The following GRAMD1B variants were observed in gnomAD, a reference collection of about 807,000 sequenced individuals.
The protein encoded by GRAMD1B is GRAM domain containing 1B.
Under a neutral mutation model 99.7 loss-of-function variants are expected in GRAMD1B, and 37 were observed. That is an observed-to-expected ratio of 0.37 (90% CI 0.29 to 0.49). The LOEUF (loss-of-function observed/expected upper bound fraction) is 0.49, where lower values mean the gene tolerates loss of function less well. GRAMD1B is among the 20% of genes least tolerant of loss of function. GRAMD1B has a pLI of 0.98. For missense variants in GRAMD1B, 888 were observed against 1,009.2 expected, an observed-to-expected ratio of 0.88 and a Z score of 1.63; for synonymous variants, 427 against 387.6, an observed-to-expected ratio of 1.10 and a Z score of -1.19.
intron 2 of GRAMD1B, among the ~76,000 whole-genome samples, chr11:123,497,521 G>A (rs1939420421): frequency 6.6e-6 from 1 of 151,964 alleles, no homozygotes; most frequent in South Asian, 2.1e-4. Flanking sequence ...AGTTCCCCTA[G>A]GCCCCAGATG....
intron 1 of GRAMD1B, among the ~76,000 whole-genome samples, chr11:123,401,414 G>C: frequency 6.6e-6 from 1 of 152,236 alleles, no homozygotes; most frequent in Non-Finnish European, 1.5e-5. Context: ...AGGCAGGCAT[G>C]GGCTGTTGGC....
intron 4 of GRAMD1B, among the ~76,000 whole-genome samples, chr11:123,586,843 C>A (rs1422068045): frequency 6.6e-6 from 1 of 152,238 alleles, no homozygotes; most frequent in Non-Finnish European, 1.5e-5. Flanking sequence ...CCTCTATAAC[C>A]TCTCTCCGGA....
intron 7 of GRAMD1B, chr11:123,599,466 C>T (rs1275082): frequency 0.86 from 532,083 of 620,288 alleles, 229,149 homozygotes; most frequent in East Asian, 0.99. Flanking sequence ...CCCTTCACCA[C>T]GGCCTCTCGT....
upstream of GRAMD1B, among the ~76,000 whole-genome samples, chr11:123,429,139 G>C (rs1466682415): frequency 6.6e-6 from 1 of 152,160 alleles, no homozygotes; most frequent in Non-Finnish European, 1.5e-5. The surrounding 1 kb of genome is among the most constrained non-coding windows in gnomAD (Gnocchi z 4.0). Context: ...GTTGCGGTGA[G>C]CCATGACTGC....
intron 2 of GRAMD1B, among the ~76,000 whole-genome samples, chr11:123,520,674 G>A (rs183111624): frequency 3.1e-4 from 46 of 150,690 alleles, no homozygotes; most frequent in Admixed American, 2.4e-3. Context: ...AGCTATTCAG[G>A]AAGCTGAGGT....
In GRAMD1B at chr11:123,430,847, G is replaced by A. The variant is rs1256391570; in HGVS notation, c.55G>A (p.Glu19Lys). 1.3e-5 allele frequency: 9 copies of A among 699,868 alleles called. No individual in the cohort carries two copies. The highest frequency in any genetic ancestry group is 3.5e-5 in the African/African-American group (2 of 57,230). The allele number at this position is 699,868 out of a possible 1,614,324, so 43.4% of individuals were successfully genotyped here. Residue 19 changes from glutamate to lysine, a missense_variant, in exon 1 of 20, where the codon GAG becomes AAG. Around this residue, in one of 5 missense-constraint regions of GRAMD1B, gnomAD observed 233 missense variants for 154.6 expected, o/e 1.51. Transcript: ENST00000635736. ...NRPLPALQVP[E>K]PQGAPEGSPV... ...GCCGCTGCCCGCCCTGCAGGTGCCCGAGCCGCAGGGTGCGCCCGAGGGCAG... is the reference window on the plus strand; with the variant it reads ...GCCGCTGCCCGCCCTGCAGGTGCCCAAGCCGCAGGGTGCGCCCGAGGGCAG...
chr11:123,441,793 C>G (rs1457421588), intron 1 of GRAMD1B, among the ~76,000 whole-genome samples: 1 of 132,580 alleles, frequency 7.5e-6, no homozygotes, highest in East Asian at 2.1e-4. Context: ...GAGACCCTAT[C>G]TGAAAAGAGA....
At chr11:123,604,942 G>A (rs1323170821) in intron 9 of GRAMD1B, among the ~76,000 whole-genome samples, 2 of 152,164 alleles carry the variant, frequency 1.3e-5, no homozygotes, top group Non-Finnish European at 2.9e-5. Flanking sequence ...TCACCGTTTG[G>A]GAAAGGAAAT....
At chr11:123,512,901 T>C (rs2135321572) in intron 2 of GRAMD1B, among the ~76,000 whole-genome samples, 1 of 152,128 alleles carries the variant, frequency 6.6e-6, no homozygotes, top group Admixed American at 6.5e-5. Flanking sequence ...TTGGCTTTCA[T>C]CAGCTCCCCA....
In GRAMD1B at chr11:123,594,853, A is replaced by G. The variant is rs1256123644; in HGVS notation, c.873+15A>G. ...GGGAAACTCTGGTAAAGACCTGGGC[A>G]TGCTCCCTTGGGCTGTCTCCTTGGC... On this transcript the variant is annotated intron_variant, in intron 6 of 19. Transcript: ENST00000635736. 2.9e-6 allele frequency: 4 copies of G among 1,388,102 alleles called. No homozygotes were observed. Among genetic ancestry groups the G allele is most frequent in the East Asian group, 2.3e-5 (1 of 43,838 alleles). The allele number at this position is 1,388,102 out of a possible 1,614,324, so 86.0% of individuals were successfully genotyped here.
intron 1 of GRAMD1B, among the ~76,000 whole-genome samples, chr11:123,457,101 G>C (rs1950168360): frequency 6.7e-6 from 1 of 148,620 alleles, no homozygotes; most frequent in Non-Finnish European, 1.5e-5. Flanking sequence ...GACAGAGAGA[G>C]ACCCTTTCTG....
chr11:123,422,331 T>C (rs1250701136), intron 1 of GRAMD1B, among the ~76,000 whole-genome samples: 2 of 152,224 alleles, frequency 1.3e-5, no homozygotes, highest in Non-Finnish European at 2.9e-5. Flanking sequence ...GTGAATTGTT[T>C]ACAGTTACTG....
At chr11:123,615,616 C>T (rs137884442) in intron 17 of GRAMD1B, among the ~76,000 whole-genome samples, 1 of 152,286 alleles carries the variant, frequency 6.6e-6, no homozygotes, top group South Asian at 2.1e-4. Context: ...GCTACTGATT[C>T]GAGGGACCAT....
chr11:123,467,962 C>T (rs918931074), intron 1 of GRAMD1B, among the ~76,000 whole-genome samples: 1 of 151,918 alleles, frequency 6.6e-6, no homozygotes, highest in Non-Finnish European at 1.5e-5. Context: ...CTCCCGGGTT[C>T]AGGCGATTCT....
intron 1 of GRAMD1B, among the ~76,000 whole-genome samples, chr11:123,413,731 C>A (rs1333336942): frequency 6.6e-6 from 1 of 152,140 alleles, no homozygotes; most frequent in Non-Finnish European, 1.5e-5. Flanking sequence ...ACCCCCACCC[C>A]AGCTTCCAAG....
At chr11:123,618,346 A>T in intron 17 of GRAMD1B, 2 of 1,612,242 alleles carry the variant, frequency 1.2e-6, no homozygotes, top group South Asian at 1.1e-5. Flanking sequence ...TCCCATTAGG[A>T]TCTGTTTCAG....
At chr11:123,400,673 G>A (rs1288974289) in intron 1 of GRAMD1B, among the ~76,000 whole-genome samples, 2 of 151,974 alleles carry the variant, frequency 1.3e-5, no homozygotes, top group African/African-American at 4.8e-5. Flanking sequence ...ATCCATTCAT[G>A]AGGGCTCCAC....
chr11:123,525,416 C>T lies in GRAMD1B; in HGVS notation c.452+44523C>T, dbSNP rs555876825. On this transcript the variant is annotated intron_variant, in intron 2 of 19. Transcript: ENST00000635736. ...GTGCAGAGGACCTAGGGTCCAGGTT[C>T]CCCTCCCCCGCAGGGGTGGGGCATT... Among the ~76,000 whole-genome samples, 5 of 152,230 alleles carry T rather than the reference C, an allele frequency of 3.3e-5. No homozygotes were observed. The East Asian group carries it at 9.7e-4, about 30-fold the overall frequency.
chr11:123,550,452 CTT>C (rs1002834015), intron 2 of GRAMD1B, among the ~76,000 whole-genome samples: 45 of 152,296 alleles, frequency 3.0e-4, no homozygotes, highest in African/African-American at 9.9e-4. Context: ...CTGCCATTGT[CTT>C]TCTCACTAGC....
Sources: allele counts gnomAD v4.1 joint callset (sites outside exome capture counted in the v4.1 genomes callset), GRCh38; gene constraint gnomAD v4.1.1; regional missense constraint gnomAD v4.1.1; non-coding constraint Gnocchi (gnomAD v3.1); transcripts MANE v1.5; gene names NCBI Gene and HGNC (gene_info 2026-07-23, HGNC 2026-07-21).